The following VWA8 variants were observed in gnomAD, a reference collection of about 807,000 sequenced individuals.
VWA8 encodes the protein von Willebrand factor A domain-containing protein 8.
In VWA8, 221 loss-of-function variants were observed where a neutral mutation model predicts 241.5. The ratio of observed to expected loss-of-function variants is 0.91; its 90% CI spans 0.82 to 1.02. The LOEUF is 1.02. Ranked by LOEUF, VWA8 falls within the 50% of genes least tolerant of loss-of-function variation. The pLI is 0.00. For synonymous variants in VWA8, 852 were observed against 827.1 expected, an observed-to-expected ratio of 1.03 and a Z score of -0.52; for missense variants, 2,322 against 2,328.7, an observed-to-expected ratio of 1.00 and a Z score of 0.06.
intron 37 of VWA8, among the ~76,000 whole-genome samples, chr13:41,617,536 C>A (rs1451610275): frequency 1.3e-5 from 2 of 151,982 alleles, no homozygotes; most frequent in Non-Finnish European, 2.9e-5. Flanking sequence ...ATGTGCACAA[C>A]GTGCAGGTTT....
At chr13:41,618,692 T>C (rs1429743263) in intron 37 of VWA8, among the ~76,000 whole-genome samples, 1 of 152,202 alleles carries the variant, frequency 6.6e-6, no homozygotes, top group Non-Finnish European at 1.5e-5. Flanking sequence ...TTTCTACATA[T>C]GGCTAGCCAG....
At chr13:41,637,510 A>G (rs2044766934) in intron 37 of VWA8, among the ~76,000 whole-genome samples, 1 of 151,052 alleles carries the variant, frequency 6.6e-6, no homozygotes, top group Admixed American at 6.6e-5. Context: ...ACATGTATAC[A>G]TACGTAACAA....
intron 37 of VWA8, among the ~76,000 whole-genome samples, chr13:41,645,840 G>A (rs77057941): frequency 2.4e-4 from 37 of 152,192 alleles, no homozygotes; most frequent in African/African-American, 8.4e-4. Context: ...AATATCAGAT[G>A]TGACTTCTTC....
chr13:41,585,795 C>G lies in VWA8; in HGVS notation c.5271+1717G>C, dbSNP rs1329381603. The stretch of plus-strand genomic sequence containing the variant: ...AGGAGAATCGCTTGAACCCAGGAGG[C>G]AGAGGTTGCAGTGAGCCGAGATCAC... On this transcript the variant is annotated intron_variant, in intron 42 of 44. Coordinates refer to ENST00000379310, the MANE Select transcript of VWA8 (RefSeq NM_015058.2). Among the ~76,000 whole-genome samples the G allele has an allele frequency of 8.2e-5, 12 of 145,514 alleles. No homozygotes were observed. In the Admixed American group the frequency reaches 8.5e-4, roughly 10 times the overall value.
chr13:41,811,167 T>A lies in VWA8; in HGVS notation c.2063+58A>T. 4.2e-6 allele frequency: 6 copies of A among 1,418,492 alleles called. No individual in the cohort carries two copies. The South Asian group carries it at 7.2e-5, about 17-fold the overall frequency. 87.9% of individuals were successfully genotyped at this position (1,418,492 alleles called of 1,614,324 possible). ...GAATATGCACCATCAGTTAAACTTA[T>A]CTTATAGTTTTAGTGAAGATCCAGA... On this transcript the variant is annotated intron_variant, in intron 17 of 44. Coordinates refer to ENST00000379310, the MANE Select transcript of VWA8 (RefSeq NM_015058.2).
Position 41,690,154 on chromosome 13 carries a change from C to T in VWA8, c.3976+12G>A. 1 of 1,605,574 alleles carries T rather than the reference C, an allele frequency of 6.2e-7. No individual in the cohort carries two copies. Among genetic ancestry groups the T allele is most frequent in the Non-Finnish European group, 8.5e-7 (1 of 1,173,534 alleles). On this transcript the variant is annotated intron_variant, in intron 33 of 44. Coordinates refer to ENST00000379310, the MANE Select transcript of VWA8 (RefSeq NM_015058.2). Reference sequence around the variant, plus strand: ...CTCACACAGCCATAAACACAGATGACATAGTATTTACCTTGTGTAACTCCA... The same window carrying T: ...CTCACACAGCCATAAACACAGATGATATAGTATTTACCTTGTGTAACTCCA...
At chr13:41,663,225 A>T (rs1219729430) in intron 37 of VWA8, among the ~76,000 whole-genome samples, 2 of 145,178 alleles carry the variant, frequency 1.4e-5, no homozygotes, top group African/African-American at 2.7e-5. Context: ...TCAGTTACAT[A>T]AAAAAAAAGT....
chr13:41,807,753 T>C (rs12583012), intron 17 of VWA8: 29,630 of 152,106 alleles, frequency 0.19, 3,656 homozygotes, highest in East Asian at 0.36. Context: ...AGCCCAGGCG[T>C]TCTGGGTTGT....
At chr13:41,574,585 G>A (rs116690415) in intron 43 of VWA8, among the ~76,000 whole-genome samples, 508 of 152,148 alleles carry the variant, frequency 3.3e-3, no homozygotes, top group African/African-American at 0.012. Flanking sequence ...TAAAATTCAC[G>A]TGGAACCAAA....
At chr13:41,863,099 C>A (rs2183612) in intron 12 of VWA8, among the ~76,000 whole-genome samples, 34,952 of 151,626 alleles carry the variant, frequency 0.23, 5,015 homozygotes, top group Non-Finnish European at 0.31. Flanking sequence ...CTGGGGAAGG[C>A]AGACCCACCC....
At position 41,891,404 on chromosome 13, in the gene VWA8, G is replaced by A. The variant is rs1874834822; in HGVS notation, c.651+16C>T. 6.2e-7 allele frequency: 1 copy of A among 1,613,726 alleles called. No individual in the cohort carries two copies. Among genetic ancestry groups the A allele is most frequent in the Non-Finnish European group, 8.5e-7 (1 of 1,179,868 alleles). ...CTTGACAGCAAAGACAAAGCAACAG[G>A]ATTTTCTTTTCTTACTCGGAGAAGT... On this transcript the variant is annotated intron_variant, in intron 5 of 44. Transcript: ENST00000379310.
At chr13:41,685,590 T>A (rs1229933256) in intron 34 of VWA8, among the ~76,000 whole-genome samples, 1 of 152,100 alleles carries the variant, frequency 6.6e-6, no homozygotes, top group African/African-American at 2.4e-5. Context: ...AATAAAGTCA[T>A]TTGGATGTGG....
intron 19 of VWA8, among the ~76,000 whole-genome samples, chr13:41,778,831 A>ACT (rs1566453788): frequency 4.4e-5 from 4 of 91,766 alleles, no homozygotes; most frequent in Admixed American, 2.8e-4. Flanking sequence ...CCAGTACGTC[A>ACT]CTTTTTTTTT....
intron 4 of VWA8, among the ~76,000 whole-genome samples, chr13:41,904,825 T>G (rs1234655965): frequency 7.0e-6 from 1 of 142,014 alleles, no homozygotes; most frequent in East Asian, 2.0e-4. Context: ...TATCCACTAT[T>G]CCAAACAGCT....
intron 20 of VWA8, among the ~76,000 whole-genome samples, chr13:41,763,308 A>AATAGATAGATAG (rs542268211): frequency 1.6e-4 from 23 of 145,888 alleles, no homozygotes; most frequent in Admixed American, 4.8e-4. Context: ...TAAATAAATA[A>AATAGATAGATAG]ATAGATAGAT....
intron 4 of VWA8, among the ~76,000 whole-genome samples, chr13:41,893,720 C>T (rs758753615): frequency 6.6e-6 from 1 of 152,064 alleles, no homozygotes; most frequent in Non-Finnish European, 1.5e-5. Flanking sequence ...CCCGTCTCTA[C>T]TAGAAATACA....
chr13:41,927,555 T>C (rs549600186), intron 2 of VWA8, among the ~76,000 whole-genome samples: 3 of 150,914 alleles, frequency 2.0e-5, no homozygotes, highest in African/African-American at 7.3e-5. Context: ...AAAAAAAAAC[T>C]ATAAGATGTT....
intron 43 of VWA8, among the ~76,000 whole-genome samples, chr13:41,572,817 A>G (rs12428650): frequency 0.16 from 22,854 of 146,484 alleles, 2,086 homozygotes; most frequent in Admixed American, 0.24. Context: ...AAAAAAAAAA[A>G]AAAAGAAACA....
At chr13:41,906,792 T>C (rs1875741372) in intron 4 of VWA8, among the ~76,000 whole-genome samples, 1 of 152,320 alleles carries the variant, frequency 6.6e-6, no homozygotes, top group South Asian at 2.1e-4. Flanking sequence ...TAAATTGCAT[T>C]AATTTCTGCT....
Sources: allele counts gnomAD v4.1 joint callset (sites outside exome capture counted in the v4.1 genomes callset), GRCh38; gene constraint gnomAD v4.1.1; transcripts MANE v1.5; gene names NCBI Gene and HGNC (gene_info 2026-07-23, HGNC 2026-07-21).